NPHP4: variants seen among roughly 807,000 people sequenced by gnomAD.
The protein encoded by NPHP4 is nephrocystin 4.
NPHP4 carries 151 observed loss-of-function variants against 155.8 expected under a neutral mutation model. That is an observed-to-expected ratio of 0.97 (90% CI 0.85 to 1.11). NPHP4 has a LOEUF of 1.11. Among genes scored for constraint, NPHP4 ranks in the 50% least tolerant of loss-of-function variants. The probability of loss-of-function intolerance (pLI) is 0.00; values close to 1 mark genes in which losing one functional copy is unlikely to be tolerated. For synonymous variants in NPHP4, 845 were observed against 816.8 expected, an observed-to-expected ratio of 1.03 and a Z score of -0.59; for missense variants, 1,956 against 1,925.7, an observed-to-expected ratio of 1.02 and a Z score of -0.29.
chr1:5,976,884 C>T (rs964298172), intron 3 of NPHP4, among the ~76,000 whole-genome samples: 2 of 152,156 alleles, frequency 1.3e-5, no homozygotes, highest in African/African-American at 2.4e-5. Context: ...CTGGCCAGAG[C>T]AGGCCCCCAT....
chr1:5,896,945 G>A (rs1476497924), intron 16 of NPHP4, among the ~76,000 whole-genome samples: 3 of 152,158 alleles, frequency 2.0e-5, no homozygotes, highest in Admixed American at 1.3e-4. Flanking sequence ...GCAGGAGACC[G>A]CAGCCACGCT....
intron 7 of NPHP4, among the ~76,000 whole-genome samples, chr1:5,949,343 T>TACATACACACACACACAC (rs1553187009): frequency 5.0e-5 from 7 of 140,896 alleles, no homozygotes; most frequent in East Asian, 4.2e-4. Context: ...TTCACATACA[T>TACATACACACACACACAC]ACACACACAC....
chr1:5,950,404 T>C (rs752402767), intron 7 of NPHP4, among the ~76,000 whole-genome samples: 1 of 152,160 alleles, frequency 6.6e-6, no homozygotes, highest in African/African-American at 2.4e-5. Flanking sequence ...CCAGGAGCTA[T>C]GGCCGAGTTG....
intron 2 of NPHP4, among the ~76,000 whole-genome samples, chr1:5,982,071 T>C (rs901905725): frequency 1.3e-5 from 2 of 152,218 alleles, no homozygotes; most frequent in Admixed American, 1.3e-4. Context: ...GTTATCATGA[T>C]GCTTCTTTCA....
intron 5 of NPHP4, among the ~76,000 whole-genome samples, chr1:5,963,544 G>A (rs1277689089): frequency 6.6e-6 from 1 of 152,040 alleles, no homozygotes; most frequent in Non-Finnish European, 1.5e-5. Flanking sequence ...CTGGGGGCGG[G>A]GCACACAGGA....
rs1245869959 is a variant in NPHP4 at position 5,867,599 on chromosome 1, G to A, written c.3472+141C>T. On this transcript the variant is annotated intron_variant, in intron 24 of 29. Transcript: ENST00000378156. The surrounding 1 kb of genome is among the most constrained non-coding windows in gnomAD (Gnocchi z 4.1). The stretch of plus-strand genomic sequence containing the variant: ...ACCGTTTCAAACCATAAAGGCAGGA[G>A]AGAGAATTCCCCAGGCCCCACGTGC... The A allele has an allele frequency of 4.9e-6, 4 of 822,312 alleles. No individual in the cohort carries two copies. The South Asian group carries it at 5.3e-5, about 11-fold the overall frequency. 50.9% of individuals were successfully genotyped at this position (822,312 alleles called of 1,614,324 possible). A position where few individuals can be genotyped will look rare whatever the true frequency, so the allele number is the denominator to read the frequency against.
intron 28 of NPHP4, 92 bp from the exon 29 acceptor site, chr1:5,864,125 C>A: frequency 4.9e-6 from 7 of 1,414,542 alleles, no homozygotes; most frequent in Non-Finnish European, 6.8e-6. Flanking sequence ...TCCTGTGCAC[C>A]GTGCACGGGG....
In NPHP4 at chr1:5,905,616, C is replaced by G. The variant is rs765362513; in HGVS notation, c.1763+16G>C. 2 of 1,613,104 alleles carry G rather than the reference C, an allele frequency of 1.2e-6. No individual in the cohort carries two copies. The highest frequency in any genetic ancestry group is 2.7e-5 in the African/African-American group (2 of 74,772). Reference sequence around the variant, plus strand: ...AGCACGTGACTGGTTCCATCCCACCCAGACCCACACCTCACCTCCTGGTCT... The same window carrying G: ...AGCACGTGACTGGTTCCATCCCACCGAGACCCACACCTCACCTCCTGGTCT... On this transcript the variant is annotated intron_variant, in intron 14 of 29. Transcript: ENST00000378156. The surrounding 1 kb of genome is among the most constrained non-coding windows in gnomAD (Gnocchi z 4.0).
chr1:5,943,852 T>C (rs1646949013), intron 9 of NPHP4, among the ~76,000 whole-genome samples: 1 of 151,978 alleles, frequency 6.6e-6, no homozygotes, highest in East Asian at 1.9e-4. Context: ...TGGAGAGACA[T>C]GGTGAGCCAT....
chr1:5,984,187 T>C (rs1018813502), intron 2 of NPHP4, among the ~76,000 whole-genome samples: 1 of 152,234 alleles, frequency 6.6e-6, no homozygotes, highest in Non-Finnish European at 1.5e-5. Context: ...TAAAATTTTC[T>C]TCATGTAATA....
In NPHP4 at chr1:5,865,231, G is replaced by A. The variant is rs1266137244; in HGVS notation, c.3687C>T (p.Tyr1229=). 4 of 1,595,024 alleles carry A rather than the reference G, an allele frequency of 2.5e-6. No individual in the cohort carries two copies. Among genetic ancestry groups the A allele is most frequent in the Admixed American group, 1.7e-5 (1 of 59,036 alleles). Residue 1229 remains tyrosine (Y), a synonymous_variant, in exon 27 of 30, where the codon TAC becomes TAT. Transcript: ENST00000378156. ...CATCCACGCGCTGCAGGGAGTGGAG[G>A]TAGACCTGCCACGTCTGTGTGGGTG... ...LATPTQTWQV[Y]LHSLQRVDVS...
Position 5,890,173 on chromosome 1 carries a change from T to C in NPHP4, c.2304+695A>G, listed in dbSNP as rs1644047482. ...GCGGCACTCAAGAAAAGTGGGGAAA[T>C]CTCAGAGACTCAGGGGCTGCAATAA... is the stretch of plus-strand genomic sequence containing the variant. On this transcript the variant is annotated intron_variant, in intron 17 of 29. Coordinates refer to ENST00000378156, the MANE Select transcript of NPHP4 (RefSeq NM_015102.5). The surrounding 1 kb of genome is among the most constrained non-coding windows in gnomAD (Gnocchi z 4.9). Among the ~76,000 whole-genome samples the C allele has an allele frequency of 6.6e-6, 1 of 151,986 alleles. No homozygotes were observed. The highest frequency in any genetic ancestry group is 1.5e-5 in the Non-Finnish European group (1 of 67,990).
chr1:5,964,025 C>T (rs997684380), intron 5 of NPHP4, among the ~76,000 whole-genome samples: 2 of 152,196 alleles, frequency 1.3e-5, no homozygotes, highest in African/African-American at 4.8e-5. Flanking sequence ...GGTCGGTATG[C>T]AGGTCTATTC....
intron 5 of NPHP4, among the ~76,000 whole-genome samples, chr1:5,966,804 A>G (rs1299434212): frequency 6.6e-6 from 1 of 152,032 alleles, no homozygotes; most frequent in Admixed American, 6.6e-5. Context: ...GCAGCAGCAG[A>G]GCAGACCGTC....
chr1:5,879,707 C>T (rs1465841491), intron 19 of NPHP4: 1 of 464,114 alleles, frequency 2.2e-6, no homozygotes, highest in Non-Finnish European at 4.3e-6. Flanking sequence ...AGCCAGGGCA[C>T]CGAGCTGCAT....
In NPHP4 at chr1:5,863,963, T is replaced by C. The variant is rs747071185; in HGVS notation, c.4067A>G (p.Tyr1356Cys). The C allele has an allele frequency of 8.7e-6, 14 of 1,613,246 alleles. No individual in the cohort carries two copies. Among genetic ancestry groups the C allele is most frequent in the Non-Finnish European group, 1.1e-5 (13 of 1,179,644 alleles). The change falls in exon 29 of 30, where the codon TAC (tyrosine) becomes TGC (cysteine). Residue 1356 changes from tyrosine (Y) to cysteine (C), a missense_variant. By Grantham distance (194) the Tyr-to-Cys change is radical. Transcript: ENST00000378156. ...VNKRITYTNP[Y>C]PSRRTFHLHS... ...CAGGTGGAATGTCCTCCGGGAGGGG[T>C]AGGGGTTGGTGTAGGTGATCCTCTT...
chr1:5,864,055 A>C, intron 28 of NPHP4, 22 bp from the exon 29 acceptor site: 2 of 1,610,428 alleles, frequency 1.2e-6, no homozygotes, highest in South Asian at 2.2e-5. Flanking sequence ...GGGGACAGGG[A>C]GACGCTGCGG....
At chr1:5,878,087 G>A (rs1642807941) in intron 19 of NPHP4, among the ~76,000 whole-genome samples, 2 of 152,120 alleles carry the variant, frequency 1.3e-5, no homozygotes, top group South Asian at 2.1e-4. Flanking sequence ...CAGCTGAGAG[G>A]CGCCCCAGCT....
At chr1:5,888,619 A>C in intron 17 of NPHP4, 2 of 1,345,386 alleles carry the variant, frequency 1.5e-6, no homozygotes, top group Non-Finnish European at 2.0e-6. Flanking sequence ...TCCTTTAGGG[A>C]ACAGCCAACA....
Sources: gnomAD v4.1 joint callset for allele counts (sites outside exome capture counted in the v4.1 genomes callset) on GRCh38, gnomAD v4.1.1 for gene constraint, Gnocchi (gnomAD v3.1) non-coding constraint, MANE v1.5 for transcripts, NCBI Gene and HGNC (gene_info 2026-07-23, HGNC 2026-07-21) for gene names.